BBS7: variants seen among roughly 807,000 people sequenced by gnomAD.
BBS7 encodes the protein Bardet-Biedl syndrome 7.
A neutral mutation model predicts 90.3 loss-of-function variants in BBS7; 50 were observed. The observed-to-expected ratio is 0.55, with a 90% confidence interval of 0.44 to 0.70. BBS7 has a LOEUF of 0.70. Ranked by LOEUF, BBS7 falls within the 30% of genes least tolerant of loss-of-function variation. The pLI, the probability that BBS7 is intolerant of heterozygous loss-of-function variation, is 0.00. For missense variants in BBS7, 729 were observed against 838.9 expected (o/e 0.87, Z 1.62); for synonymous variants, 235 against 287.4 (o/e 0.82, Z 1.85).
chr4:121,825,593 TA>T lies in BBS7; in HGVS notation c.*266del. Reference sequence around the variant, plus strand: ...ACATATTACTTCTCAATTTAAAAATTAAAACAGCCACTTGCCAAAAATTCAT... The same window carrying T: ...ACATATTACTTCTCAATTTAAAAATTAAACAGCCACTTGCCAAAAATTCAT... On this transcript the variant is annotated 3_prime_UTR_variant, in exon 19 of 19. Transcript: ENST00000264499. 3.0e-6 allele frequency: 1 copy of T among 337,244 alleles called. No homozygotes were observed. 20.9% of individuals were successfully genotyped at this position (337,244 alleles called of 1,614,324 possible). A position where few individuals can be genotyped will look rare whatever the true frequency, so the allele number is the denominator to read the frequency against.
rs765782447 is a variant in BBS7 at position 121,848,876 on chromosome 4, C to A, written c.902G>T (p.Ser301Ile). The change falls in exon 9 of 19, where the codon AGC becomes ATC. Residue 301 changes from serine to isoleucine, a missense_variant. By Grantham distance (142) the Ser-to-Ile change is moderately radical. Transcript: ENST00000264499. ...SIQGGCVGKD[S>I]YDEIVVSTYS... ...TGTGGACACCACGATTTCATCATAG[C>A]TGTCTTTTCCTACACAACCACCCTG... is the stretch of plus-strand genomic sequence containing the variant. The A allele has an allele frequency of 1.2e-6, 2 of 1,613,900 alleles. No homozygotes were observed. Among genetic ancestry groups the A allele is most frequent in the South Asian group, 2.2e-5 (2 of 91,078 alleles).
intron 1 of BBS7, among the ~76,000 whole-genome samples, chr4:121,869,298 T>C (rs185594977): frequency 1.9e-3 from 283 of 152,266 alleles, no homozygotes; most frequent in Non-Finnish European, 3.2e-3. Flanking sequence ...GAATTTTAGG[T>C]CTGAAAGAAA....
chr4:121,827,611 C>T, intron 18 of BBS7: 1 of 247,280 alleles, frequency 4.0e-6, no homozygotes, highest in Non-Finnish European at 6.5e-6. Context: ...GCTGTTTCTT[C>T]CTTCCTCACT....
In BBS7 at chr4:121,868,010, GA is replaced by G. The variant is rs1727380246; in HGVS notation, c.72del (p.Pro25LeufsTer19). Reference protein sequence around the residue: ...GVTSQKTMKLIPASRHRATQK... With the variant: ...GVTSQKTMKLXPASRHRATQK... ...TGTGTAGCTCTGTGTCTTGAGGCAG[GA>G]ATTAGCTTCATAGTCTTCTGAGATG... On this transcript the variant is annotated frameshift_variant, in exon 2 of 19. Transcript: ENST00000264499. LOFTEE classifies it high-confidence loss of function. 7 of 1,613,422 alleles carry G rather than the reference GA, an allele frequency of 4.3e-6. No homozygotes were observed. Among genetic ancestry groups the G allele is most frequent in the Non-Finnish European group, 5.9e-6 (7 of 1,179,650 alleles).
At chr4:121,853,587 C>G (rs1248766499) in intron 7 of BBS7, among the ~76,000 whole-genome samples, 1 of 151,552 alleles carries the variant, frequency 6.6e-6, no homozygotes, top group Non-Finnish European at 1.5e-5. Flanking sequence ...ACAATATATA[C>G]TGAAATTGTC....
In BBS7 at chr4:121,847,479, G is replaced by C. The variant is rs1726074368; in HGVS notation, c.962C>G (p.Pro321Arg). The C allele has an allele frequency of 6.2e-7, 1 of 1,613,350 alleles. No homozygotes were observed. The highest frequency in any genetic ancestry group is 1.3e-5 in the African/African-American group (1 of 74,962). The stretch of plus-strand genomic sequence containing the variant: ...TCCTGGTCCACTTTCCTTATGAATG[G>C]GCTCTGTTGTCAGACCTGTAACCCA... ...SGWVTGLTTEPIHKESGPGEE... is the reference protein window; with the variant it reads ...SGWVTGLTTERIHKESGPGEE... The change falls in exon 10 of 19, where the codon CCC becomes CGC. Residue 321 changes from proline to arginine, a missense_variant. Pro to Arg is a moderately radical substitution (Grantham distance 103). Coordinates refer to ENST00000264499, the MANE Select transcript of BBS7 (RefSeq NM_176824.3).
chr4:121,854,599 T>G, intron 7 of BBS7, 105 bp downstream of exon 7: 1 of 1,099,534 alleles, frequency 9.1e-7, no homozygotes, highest in Non-Finnish European at 1.2e-6. Context: ...TGTGAATTGC[T>G]AAGTCTGCTA....
At chr4:121,831,219 TA>T (rs1294011572) in intron 15 of BBS7, among the ~76,000 whole-genome samples, 1 of 151,248 alleles carries the variant, frequency 6.6e-6, no homozygotes, top group Non-Finnish European at 1.5e-5. Flanking sequence ...AAGAATAAAA[TA>T]AAAAATAAAA....
rs577770661 is a variant in BBS7, at chr4:121,870,160, G to A, written c.36+118C>T. On this transcript the variant is annotated intron_variant, in intron 1 of 18. Transcript: ENST00000264499. ...GTGCTGAGAGGTCGGCACCCAGCCC[G>A]GCTCCTTCGCCTCCGCACCAGCTCC... 144 of 1,329,562 alleles carry A rather than the reference G, an allele frequency of 1.1e-4. No homozygotes were observed. The East Asian group carries it at 3.1e-3, about 29-fold the overall frequency. The allele number at this position is 1,329,562 out of a possible 1,614,324, so 82.4% of individuals were successfully genotyped here. A position where few individuals can be genotyped will look rare whatever the true frequency, so the allele number is the denominator to read the frequency against.
chr4:121,868,716 A>AAAAAAATTTAT (rs1727422036), intron 1 of BBS7, among the ~76,000 whole-genome samples: 1 of 125,014 alleles, frequency 8.0e-6, no homozygotes, highest in Admixed American at 9.0e-5. Context: ...AAAAAAAAAA[A>AAAAAAATTTAT]GAAGATTTAT....
In BBS7 at chr4:121,825,591, A is replaced by C. The variant is rs1724869039; in HGVS notation, c.*269T>G. 3.0e-6 allele frequency: 1 copy of C among 334,906 alleles called. No individual in the cohort carries two copies. The highest frequency in any genetic ancestry group is 5.4e-6 in the Non-Finnish European group (1 of 185,124). The allele number at this position is 334,906 out of a possible 1,614,324, so 20.7% of individuals were successfully genotyped here. A position where few individuals can be genotyped will look rare whatever the true frequency, so the allele number is the denominator to read the frequency against. Reference sequence around the variant, plus strand: ...CCACATATTACTTCTCAATTTAAAAATTAAAACAGCCACTTGCCAAAAATT... The same window carrying C: ...CCACATATTACTTCTCAATTTAAAACTTAAAACAGCCACTTGCCAAAAATT... On this transcript the variant is annotated 3_prime_UTR_variant, in exon 19 of 19. Coordinates refer to ENST00000264499, the MANE Select transcript of BBS7 (RefSeq NM_176824.3).
intron 5 of BBS7, among the ~76,000 whole-genome samples, chr4:121,856,709 CA>C (rs1037267798): frequency 5.0e-5 from 7 of 139,716 alleles, no homozygotes; most frequent in South Asian, 4.6e-4. Flanking sequence ...GACTCCATCT[CA>C]AAAAAAAAAG....
chr4:121,850,310 G>A (rs1194406414), intron 8 of BBS7, among the ~76,000 whole-genome samples: 1 of 151,812 alleles, frequency 6.6e-6, no homozygotes, highest in Non-Finnish European at 1.5e-5. Context: ...GACTACAGGT[G>A]TACACCACCA....
intron 2 of BBS7, among the ~76,000 whole-genome samples, chr4:121,864,660 T>A (rs1727161111): frequency 6.6e-6 from 1 of 152,214 alleles, no homozygotes; most frequent in Non-Finnish European, 1.5e-5. Context: ...CATTTAATTG[T>A]GTAAAGGGGT....
chr4:121,848,900 T>G lies in BBS7; in HGVS notation c.878A>C (p.Gln293Pro), dbSNP rs889417696. The change falls in exon 9 of 19, where the codon CAG (glutamine) becomes CCG (proline). Residue 293 changes from glutamine (Q) to proline (P), a missense_variant. Gln to Pro is a moderately conservative substitution (Grantham distance 76, BLOSUM62 -1). Coordinates refer to ENST00000264499, the MANE Select transcript of BBS7 (RefSeq NM_176824.3). The stretch of plus-strand genomic sequence containing the variant: ...GCTGTCTTTTCCTACACAACCACCC[T>G]GGATAGATGTGACGCTTTCAGACAA... ...QMLSESVTSI[Q>P]GGCVGKDSYD... 8 of 1,613,830 alleles carry G rather than the reference T, an allele frequency of 5.0e-6. No individual in the cohort carries two copies. The highest frequency in any genetic ancestry group is 1.3e-5 in the African/African-American group (1 of 74,930).
intron 5 of BBS7, chr4:121,858,778 C>T: frequency 1.9e-6 from 1 of 518,188 alleles, no homozygotes; most frequent in Admixed American, 3.4e-5. Flanking sequence ...CAAAAAAAAT[C>T]CTTTTTCTTC....
chr4:121,847,375 A>T lies in BBS7; in HGVS notation c.1037+29T>A, dbSNP rs201767048. The stretch of plus-strand genomic sequence containing the variant: ...CAACCACACACTTCATGAGATTTTT[A>T]AAAAAGCAAATAAAAAACTCAAAGT... On this transcript the variant is annotated intron_variant, in intron 10 of 18. Transcript: ENST00000264499. 7.7e-4 allele frequency: 1,130 copies of T among 1,468,908 alleles called. 1 individual carries two copies. The highest frequency in any genetic ancestry group is 1.0e-3 in the Admixed American group (62 of 59,784). 91.0% of individuals were successfully genotyped at this position (1,468,908 alleles called of 1,614,324 possible).
intron 12 of BBS7, among the ~76,000 whole-genome samples, chr4:121,843,178 G>T (rs1016773853): frequency 6.6e-6 from 1 of 152,152 alleles, no homozygotes; most frequent in East Asian, 1.9e-4. Context: ...CTGAATCATG[G>T]AAAGTTTTCT....
chr4:121,842,569 G>A (rs1340559766), intron 12 of BBS7, among the ~76,000 whole-genome samples: 5 of 151,780 alleles, frequency 3.3e-5, no homozygotes, highest in Non-Finnish European at 5.9e-5. Flanking sequence ...CAAGGAGGTC[G>A]AGGCTGCAGC....
Sources: allele counts gnomAD v4.1 joint callset (sites outside exome capture counted in the v4.1 genomes callset), GRCh38; gene constraint gnomAD v4.1.1; transcripts MANE v1.5; gene names NCBI Gene and HGNC (gene_info 2026-07-23, HGNC 2026-07-21).